The following HS3ST4 variants were observed in gnomAD, a reference collection of about 807,000 sequenced individuals.
HS3ST4 encodes the protein heparan sulfate-glucosamine 3-sulfotransferase 4, also known as heparan sulfate glucosamine 3-O-sulfotransferase 4.
HS3ST4 carries 17 observed loss-of-function variants against 29.2 expected under a neutral mutation model. The ratio of observed to expected loss-of-function variants is 0.58; its 90% confidence interval spans 0.40 to 0.87. The LOEUF is 0.87. Ranked by LOEUF, HS3ST4 falls within the 40% of genes least tolerant of loss-of-function variation. The probability of loss-of-function intolerance (pLI) is 0.00; values close to 1 mark genes in which losing one functional copy is unlikely to be tolerated. For synonymous variants in HS3ST4, 314 were observed against 285.7 expected (o/e 1.10, Z -1.00); for missense variants, 627 against 634.5 (o/e 0.99, Z 0.13).
chr16:25,770,402 C>T (rs1966840328), intron 1 of HS3ST4, among the ~76,000 whole-genome samples: 1 of 152,176 alleles, frequency 6.6e-6, no homozygotes, highest in Admixed American at 6.5e-5. Context: ...TTCACAACCA[C>T]CTTAGGAATT....
At chr16:25,800,172 T>A (rs1442065457) in intron 1 of HS3ST4, among the ~76,000 whole-genome samples, 1 of 152,036 alleles carries the variant, frequency 6.6e-6, no homozygotes, top group Non-Finnish European at 1.5e-5. Flanking sequence ...GGTTTTATTA[T>A]TTTTCTTAAT....
At chr16:26,039,743 C>T (rs1969618626) in intron 1 of HS3ST4, among the ~76,000 whole-genome samples, 2 of 152,120 alleles carry the variant, frequency 1.3e-5, no homozygotes, top group African/African-American at 4.8e-5. Flanking sequence ...TTTCACTACC[C>T]TTCCTATCCT....
chr16:25,989,547 G>A (rs1001882082), intron 1 of HS3ST4, among the ~76,000 whole-genome samples: 1 of 152,166 alleles, frequency 6.6e-6, no homozygotes, highest in African/African-American at 2.4e-5. Context: ...CTTCTGATTA[G>A]TTAGCCTTAA....
intron 1 of HS3ST4, among the ~76,000 whole-genome samples, chr16:25,710,808 C>CAT (rs1555462270): frequency 2.1e-5 from 1 of 48,548 alleles, no homozygotes; most frequent in Non-Finnish European, 3.4e-5. Flanking sequence ...GCATATTATC[C>CAT]TTTTTTTTTT....
chr16:25,976,935 C>T (rs960913705), intron 1 of HS3ST4, among the ~76,000 whole-genome samples: 2 of 152,050 alleles, frequency 1.3e-5, no homozygotes, highest in African/African-American at 4.8e-5. Context: ...TTTCACGTCG[C>T]AAAATATTTG....
At chr16:25,773,010 T>C (rs1229027737) in intron 1 of HS3ST4, among the ~76,000 whole-genome samples, 3 of 152,174 alleles carry the variant, frequency 2.0e-5, no homozygotes, top group Non-Finnish European at 4.4e-5. Flanking sequence ...AAGGAGTAAG[T>C]ATTCAGATTC....
intron 1 of HS3ST4, among the ~76,000 whole-genome samples, chr16:26,074,264 C>A (rs867769366): frequency 6.6e-6 from 1 of 152,220 alleles, no homozygotes; most frequent in African/African-American, 2.4e-5. Context: ...ACATCAGGTA[C>A]AGTTGTCTGG....
intron 1 of HS3ST4, among the ~76,000 whole-genome samples, chr16:26,111,556 A>T (rs778580883): frequency 1.3e-5 from 2 of 152,220 alleles, no homozygotes; most frequent in African/African-American, 4.8e-5. Context: ...ATAATTCAGT[A>T]TAGTAGTGGC....
intron 1 of HS3ST4, among the ~76,000 whole-genome samples, chr16:25,814,677 G>A (rs535264583): frequency 3.3e-5 from 5 of 152,298 alleles, no homozygotes; most frequent in South Asian, 2.1e-4. Flanking sequence ...AAGTTTGGAC[G>A]CAGGCCAAAT....
At chr16:25,798,383 T>G (rs767241045) in intron 1 of HS3ST4, among the ~76,000 whole-genome samples, 6 of 152,222 alleles carry the variant, frequency 3.9e-5, no homozygotes, top group Non-Finnish European at 5.9e-5. Context: ...CAGCTGTACT[T>G]ATCCTACAAA....
At chr16:25,704,541 C>G (rs747864927) in intron 1 of HS3ST4, among the ~76,000 whole-genome samples, 2 of 152,068 alleles carry the variant, frequency 1.3e-5, no homozygotes, top group Non-Finnish European at 2.9e-5. Context: ...CTCACAGCAG[C>G]TTTGAACTCC....
At chr16:25,700,647 T>G (rs953776752) in intron 1 of HS3ST4, among the ~76,000 whole-genome samples, 21 of 152,334 alleles carry the variant, frequency 1.4e-4, no homozygotes, top group African/African-American at 4.8e-4. Context: ...TTTTGCATAA[T>G]GGATGATCTC....
intron 1 of HS3ST4, among the ~76,000 whole-genome samples, chr16:25,838,982 G>A (rs1295344360): frequency 6.6e-6 from 1 of 152,118 alleles, no homozygotes; most frequent in Non-Finnish European, 1.5e-5. Context: ...TTGGTTAAGG[G>A]GATCTGGCAG....
At chr16:26,034,398 GA>G (rs1191366169) in intron 1 of HS3ST4, among the ~76,000 whole-genome samples, 1 of 152,166 alleles carries the variant, frequency 6.6e-6, no homozygotes, top group East Asian at 1.9e-4. Context: ...CACAGCGACT[GA>G]AGCCCACTTT....
intron 1 of HS3ST4, among the ~76,000 whole-genome samples, chr16:25,816,749 C>T (rs1051015938): frequency 5.3e-5 from 8 of 152,108 alleles, no homozygotes; most frequent in Non-Finnish European, 1.0e-4. Context: ...TTACAGGCTA[C>T]GAAGTCAGAG....
At chr16:26,072,581 A>G (rs945669239) in intron 1 of HS3ST4, among the ~76,000 whole-genome samples, 5 of 152,090 alleles carry the variant, frequency 3.3e-5, no homozygotes, top group Admixed American at 6.5e-5. Context: ...GTGTTTTTGC[A>G]CCCAAGACAA....
At chr16:25,765,599 A>G (rs970027788) in intron 1 of HS3ST4, among the ~76,000 whole-genome samples, 8 of 152,080 alleles carry the variant, frequency 5.3e-5, no homozygotes, top group Non-Finnish European at 1.0e-4. Flanking sequence ...GGCTGTGACA[A>G]TCTCGGAGCC....
intron 1 of HS3ST4, among the ~76,000 whole-genome samples, chr16:25,828,022 T>C (rs1370256717): frequency 6.6e-6 from 1 of 151,850 alleles, no homozygotes; most frequent in African/African-American, 2.4e-5. Flanking sequence ...GGCACATGAG[T>C]AGATTTCTGA....
intron 1 of HS3ST4, among the ~76,000 whole-genome samples, chr16:25,808,969 G>A (rs554828874): frequency 2.6e-5 from 4 of 152,196 alleles, no homozygotes; most frequent in African/African-American, 9.6e-5. Context: ...TGCAACCTTG[G>A]TGGACACACT....
Sources: allele counts gnomAD v4.1 joint callset (sites outside exome capture counted in the v4.1 genomes callset), GRCh38; gene constraint gnomAD v4.1.1; transcripts MANE v1.5; gene names NCBI Gene and HGNC (gene_info 2026-07-23, HGNC 2026-07-21).